LARP7: variants seen among roughly 807,000 people sequenced by gnomAD.
LARP7 encodes La ribonucleoprotein 7, transcriptional regulator.
In LARP7, 52 loss-of-function variants were observed where a neutral mutation model predicts 69.3. That is an observed-to-expected ratio of 0.75 (90% CI 0.60 to 0.95). The LOEUF (loss-of-function observed/expected upper bound fraction) is 0.95. Ranked by LOEUF, LARP7 falls within the 40% of genes least tolerant of loss-of-function variation. The pLI is 0.00. For missense variants in LARP7, 733 were observed against 673.0 expected (o/e 1.09, Z -0.99); for synonymous variants, 254 against 215.9 (o/e 1.18, Z -1.55).
rs747933441 is a variant in LARP7 at position 112,647,391 on chromosome 4, A to G, written c.839A>G (p.Asp280Gly). Residue 280 changes from aspartate (D) to glycine (G), a missense_variant, in exon 7 of 13, where the codon GAC becomes GGC. Asp to Gly is a moderately conservative substitution (Grantham distance 94). Transcript: ENST00000344442. ...TGCTCAAAGAAAAAGAAAAAACGGGACAGAGTTGAAGCATCTAGCTTACCT... is the reference window on the plus strand; with the variant it reads ...TGCTCAAAGAAAAAGAAAAAACGGGGCAGAGTTGAAGCATCTAGCTTACCT... Reference protein sequence around the residue: ...KQCSKKKKKRDRVEASSLPEV... With the variant: ...KQCSKKKKKRGRVEASSLPEV... 1.9e-6 allele frequency: 3 copies of G among 1,613,986 alleles called. No individual in the cohort carries two copies. Among genetic ancestry groups the G allele is most frequent in the South Asian group, 2.2e-5 (2 of 91,086 alleles).
chr4:112,645,760 G>A (rs2048177940), intron 2 of LARP7: 2 of 361,778 alleles, frequency 5.5e-6, no homozygotes, highest in South Asian at 2.1e-5. Flanking sequence ...GAGCTCAAGA[G>A]ATTTACCTTC....
At chr4:112,638,374 G>A (rs772175752) in intron 1 of LARP7, among the ~76,000 whole-genome samples, 2 of 152,090 alleles carry the variant, frequency 1.3e-5, no homozygotes, top group African/African-American at 2.4e-5. Flanking sequence ...CAAATGACTT[G>A]GTGTCTTGTC....
rs770087310 is a variant in LARP7 at position 112,646,808 on chromosome 4, T to C, written c.405T>C (p.Asn135=). The C allele has an allele frequency of 6.3e-7, 1 of 1,588,568 alleles. No homozygotes were observed. The highest frequency in any genetic ancestry group is 1.2e-5 in the South Asian group (1 of 85,642). The change falls in exon 5 of 13, where the codon AAT becomes AAC. Residue 135 remains asparagine (N), a synonymous_variant. Coordinates refer to ENST00000344442, the MANE Select transcript of LARP7 (RefSeq NM_016648.4). ...TATAATAGGAGTTACTTCCCAAAAATGTTAATCACAGCTGGATTGAAAGAG... is the reference window on the plus strand; with the variant it reads ...TATAATAGGAGTTACTTCCCAAAAACGTTAATCACAGCTGGATTGAAAGAG... ...RTVYVELLPK[N]VNHSWIERVF...
At chr4:112,644,560 A>T (rs1390435483) in intron 1 of LARP7, 108 bp from the exon 2 acceptor site, 2 of 1,028,728 alleles carry the variant, frequency 1.9e-6, no homozygotes, top group Non-Finnish European at 2.7e-6. Context: ...CTGATGGCCA[A>T]ATGTGAGTCC....
intron 1 of LARP7, 180 bp downstream of exon 1, chr4:112,637,419 A>C (rs1033022959): frequency 2.6e-5 from 4 of 152,236 alleles, no homozygotes; most frequent in Non-Finnish European, 5.9e-5. Flanking sequence ...CTTCGGCAGC[A>C]CTTGTAGTTC....
At chr4:112,645,868 C>T (rs2048185102) in intron 2 of LARP7, among the ~76,000 whole-genome samples, 1 of 152,032 alleles carries the variant, frequency 6.6e-6, no homozygotes, top group South Asian at 2.1e-4. Flanking sequence ...GGATGGGATC[C>T]AGATGTCCTC....
chr4:112,641,591 G>A (rs2047968455), intron 1 of LARP7, among the ~76,000 whole-genome samples: 1 of 152,190 alleles, frequency 6.6e-6, no homozygotes, highest in Non-Finnish European at 1.5e-5. Context: ...TGGAGGAAAT[G>A]AGAATTATTC....
Position 112,643,667 on chromosome 4 carries a change from G to T in LARP7, c.-2-1001G>T, listed in dbSNP as rs1378761338. On this transcript the variant is annotated intron_variant, in intron 1 of 12. Transcript: ENST00000344442. Reference sequence around the variant, plus strand: ...GTTCGAGACCAGCCTGGCCAACATGGTGAAACTCTGTCTCTACTAAAAATA... The same window carrying T: ...GTTCGAGACCAGCCTGGCCAACATGTTGAAACTCTGTCTCTACTAAAAATA... 2.0e-5 allele frequency among the ~76,000 whole-genome samples: 3 copies of T among 152,124 alleles called. 1 individual carries two copies. The South Asian group carries it at 6.2e-4, about 31-fold the overall frequency.
intron 10 of LARP7, among the ~76,000 whole-genome samples, chr4:112,652,295 C>G (rs571840993): frequency 2.3e-5 from 2 of 87,360 alleles, no homozygotes; most frequent in South Asian, 8.6e-4. Context: ...ATAAGATTTC[C>G]CCCCCCCCCC....
chr4:112,648,642 A>G, intron 8 of LARP7: 1 of 420,492 alleles, frequency 2.4e-6, no homozygotes, highest in African/African-American at 2.1e-5. Flanking sequence ...TAGAAGAAAA[A>G]AATTTTTTTA....
intron 9 of LARP7, 137 bp from the exon 10 acceptor site, chr4:112,650,324 A>C: frequency 1.2e-6 from 1 of 800,826 alleles, no homozygotes; most frequent in Non-Finnish European, 1.9e-6. Flanking sequence ...ATAACCTTTA[A>C]TTGTTTACTT....
chr4:112,650,622 C>G, intron 10 of LARP7, 40 bp downstream of exon 10: 1 of 1,566,720 alleles, frequency 6.4e-7, no homozygotes, highest in Non-Finnish European at 8.6e-7. Context: ...TTCCTTTCTT[C>G]TCTTATTATT....
At chr4:112,641,351 G>A (rs1402071884) in intron 1 of LARP7, among the ~76,000 whole-genome samples, 1 of 151,808 alleles carries the variant, frequency 6.6e-6, no homozygotes, top group African/African-American at 2.4e-5. Context: ...TCGCGCCACT[G>A]CACTCCAGCC....
chr4:112,646,205 C>A, intron 2 of LARP7, 146 bp from the exon 3 acceptor site: 1 of 454,542 alleles, frequency 2.2e-6, no homozygotes, highest in Non-Finnish European at 4.0e-6. Context: ...TCTTGAACTC[C>A]CCCATCCACC....
At chr4:112,639,208 CTT>C (rs1160467036) in intron 1 of LARP7, among the ~76,000 whole-genome samples, 6 of 132,362 alleles carry the variant, frequency 4.5e-5, no homozygotes, top group East Asian at 2.1e-4. Flanking sequence ...TTAAATGTTA[CTT>C]TTTTTTTTTT....
At chr4:112,652,292 T>G (rs574144446) in intron 10 of LARP7, among the ~76,000 whole-genome samples, 3 of 122,710 alleles carry the variant, frequency 2.4e-5, no homozygotes, top group Admixed American at 8.0e-5. Context: ...TAAATAAGAT[T>G]TCCCCCCCCC....
At chr4:112,643,335 G>C (rs950106274) in intron 1 of LARP7, among the ~76,000 whole-genome samples, 1 of 152,212 alleles carries the variant, frequency 6.6e-6, no homozygotes, top group Non-Finnish European at 1.5e-5. Flanking sequence ...ACTTGAAGTA[G>C]GAGAGCAAGC....
At chr4:112,649,453 C>A in intron 8 of LARP7, 82 bp from the exon 9 acceptor site, 1 of 1,166,408 alleles carries the variant, frequency 8.6e-7, no homozygotes, top group Non-Finnish European at 1.2e-6. Flanking sequence ...TGCTCCAAGT[C>A]ATTGTGAATG....
rs1363941598 is a variant in LARP7, at chr4:112,647,282, A to G, written c.730A>G (p.Ser244Gly). 2.5e-6 allele frequency: 4 copies of G among 1,613,794 alleles called. No homozygotes were observed. The highest frequency in any genetic ancestry group is 2.5e-6 in the Non-Finnish European group (3 of 1,180,002). The part of the protein sequence containing the change: ...IQAKEENMDT[S>G]NTSISKMKRS... ...AGCCAAAGAAGAAAACATGGACACA[A>G]GCAACACCAGCATCAGTAAAATGAA... Residue 244 changes from serine to glycine, a missense_variant, in exon 7 of 13, where the codon AGC becomes GGC. Transcript: ENST00000344442.
Sources: gnomAD v4.1 joint callset for allele counts (sites outside exome capture counted in the v4.1 genomes callset) on GRCh38, gnomAD v4.1.1 for gene constraint, MANE v1.5 for transcripts, NCBI Gene and HGNC (gene_info 2026-07-23, HGNC 2026-07-21) for gene names.